ADAMTS17: variants seen among roughly 807,000 people sequenced by gnomAD.
The protein encoded by ADAMTS17 is ADAM metallopeptidase with thrombospondin type 1 motif 17.
ADAMTS17 carries 113 observed loss-of-function variants against 141.5 expected under a neutral mutation model. The observed-to-expected ratio is 0.80, with a 90% confidence interval of 0.69 to 0.93. The LOEUF is 0.93. Ranked by LOEUF, ADAMTS17 falls within the 40% of genes least tolerant of loss-of-function variation. ADAMTS17 has a pLI of 0.00. For synonymous variants in ADAMTS17, 768 were observed against 630.6 expected, an observed-to-expected ratio of 1.22 and a Z score of -3.27; for missense variants, 1,659 against 1,517.9, an observed-to-expected ratio of 1.09 and a Z score of -1.54.
chr15:100,220,978 G>A (rs571288414), intron 7 of ADAMTS17, among the ~76,000 whole-genome samples: 4 of 152,232 alleles, frequency 2.6e-5, no homozygotes, highest in South Asian at 2.1e-4. Flanking sequence ...GATTATTCAC[G>A]TACAAGTTTC....
At chr15:100,278,330 A>T (rs4965621) in intron 4 of ADAMTS17, among the ~76,000 whole-genome samples, 35,453 of 92,366 alleles carry the variant, frequency 0.38, 4,221 homozygotes, top group African/African-American at 0.47. Context: ...TCTACCACAA[A>T]AAAAAAAAAA....
At chr15:100,310,148 A>G (rs2141853685) in intron 3 of ADAMTS17, among the ~76,000 whole-genome samples, 1 of 152,196 alleles carries the variant, frequency 6.6e-6, no homozygotes, top group Non-Finnish European at 1.5e-5. Context: ...GCCGCTGAAC[A>G]CTCTGCACCA....
intron 15 of ADAMTS17, among the ~76,000 whole-genome samples, chr15:100,059,575 T>A (rs926725904): frequency 1.6e-4 from 24 of 152,302 alleles, no homozygotes; most frequent in African/African-American, 5.8e-4. Flanking sequence ...GCGCCTGACA[T>A]CCCTCAAAAG....
intron 4 of ADAMTS17, 53 bp from the exon 5 acceptor site, chr15:100,262,488 T>C: frequency 1.4e-6 from 2 of 1,401,442 alleles, no homozygotes; most frequent in Non-Finnish European, 2.0e-6. Flanking sequence ...ATTTTAAAAA[T>C]ACAGTAGTAT....
intron 18 of ADAMTS17, among the ~76,000 whole-genome samples, chr15:100,039,601 A>G (rs1600679): frequency 0.046 from 7,047 of 152,288 alleles, 333 homozygotes; most frequent in African/African-American, 0.12. Flanking sequence ...GGTGGCCAGA[A>G]AACATACCTA....
chr15:100,041,930 A>C (rs991051230), intron 18 of ADAMTS17, among the ~76,000 whole-genome samples: 8 of 152,200 alleles, frequency 5.3e-5, no homozygotes, highest in Non-Finnish European at 1.0e-4. Context: ...TTAAAGGTCA[A>C]AGAGTAACAA....
At chr15:100,212,036 CT>C (rs753010777) in intron 7 of ADAMTS17, among the ~76,000 whole-genome samples, 3 of 152,192 alleles carry the variant, frequency 2.0e-5, no homozygotes, top group Non-Finnish European at 4.4e-5. Flanking sequence ...GCCCACCCAC[CT>C]GTCCCTGCTG....
chr15:100,183,605 A>G (rs1308785594), intron 8 of ADAMTS17, among the ~76,000 whole-genome samples: 2 of 152,234 alleles, frequency 1.3e-5, no homozygotes, highest in Non-Finnish European at 2.9e-5. Context: ...TCGTTAGACA[A>G]TTCCAACATT....
At chr15:100,018,740 C>T (rs2061342554) in intron 18 of ADAMTS17, among the ~76,000 whole-genome samples, 1 of 152,104 alleles carries the variant, frequency 6.6e-6, no homozygotes, top group Non-Finnish European at 1.5e-5. Flanking sequence ...CTAATACATC[C>T]CCCAAACATC....
chr15:100,110,626 A>G (rs1276736345), intron 13 of ADAMTS17, among the ~76,000 whole-genome samples: 2 of 152,140 alleles, frequency 1.3e-5, no homozygotes, highest in Non-Finnish European at 2.9e-5. Flanking sequence ...TAAGTAATTG[A>G]GCAAGAGGAA....
chr15:100,055,261 G>A (rs1269610515), intron 15 of ADAMTS17, among the ~76,000 whole-genome samples: 1 of 152,122 alleles, frequency 6.6e-6, no homozygotes, highest in Non-Finnish European at 1.5e-5. Context: ...TGCTTACTGA[G>A]GCCAGAAATA....
intron 15 of ADAMTS17, among the ~76,000 whole-genome samples, chr15:100,059,306 C>G (rs2032922480): frequency 6.6e-6 from 1 of 152,266 alleles, no homozygotes; most frequent in South Asian, 2.1e-4. Flanking sequence ...GCTGCAAGTT[C>G]TGGCGCACTG....
At chr15:100,255,447 T>G (rs2043292701) in intron 6 of ADAMTS17, among the ~76,000 whole-genome samples, 1 of 152,168 alleles carries the variant, frequency 6.6e-6, no homozygotes, top group East Asian at 1.9e-4. Flanking sequence ...GCCTAGAGAC[T>G]TGATTTTTCC....
chr15:100,193,098 C>A (rs1335442059), intron 8 of ADAMTS17, among the ~76,000 whole-genome samples: 1 of 152,262 alleles, frequency 6.6e-6, no homozygotes, highest in Non-Finnish European at 1.5e-5. Context: ...TTCACCTGCA[C>A]CTGGTGGCAG....
intron 18 of ADAMTS17, among the ~76,000 whole-genome samples, chr15:100,035,865 C>G (rs1415459512): frequency 6.6e-6 from 1 of 152,048 alleles, no homozygotes; most frequent in Non-Finnish European, 1.5e-5. Context: ...GACGACTCAC[C>G]AAGTTATTGC....
chr15:100,127,995 T>G (rs183889911), intron 12 of ADAMTS17, among the ~76,000 whole-genome samples: 4 of 151,958 alleles, frequency 2.6e-5, no homozygotes, highest in African/African-American at 9.7e-5. Context: ...CAGTGCGTGG[T>G]GCAGGTCTGC....
chr15:99,981,499 T>C (rs1160003440), intron 20 of ADAMTS17, among the ~76,000 whole-genome samples: 1 of 152,184 alleles, frequency 6.6e-6, no homozygotes, highest in Non-Finnish European at 1.5e-5. Flanking sequence ...GGGCTATGAG[T>C]GGCTCTGACT....
intron 6 of ADAMTS17, among the ~76,000 whole-genome samples, chr15:100,255,496 G>A (rs1305554186): frequency 1.3e-5 from 2 of 152,170 alleles, no homozygotes; most frequent in Non-Finnish European, 2.9e-5. Context: ...ATAGGCGATA[G>A]AAGCAGCACT....
chr15:100,266,231 T>C (rs554931525), intron 4 of ADAMTS17, among the ~76,000 whole-genome samples: 106 of 152,286 alleles, frequency 7.0e-4, no homozygotes, highest in African/African-American at 1.8e-3. Flanking sequence ...CCGTCTGCAA[T>C]TTGTTCTTTA....
Sources: gnomAD v4.1 joint callset for allele counts (sites outside exome capture counted in the v4.1 genomes callset) on GRCh38, gnomAD v4.1.1 for gene constraint, MANE v1.5 for transcripts, NCBI Gene and HGNC (gene_info 2026-07-23, HGNC 2026-07-21) for gene names.